SART1: variants seen among roughly 807,000 people sequenced by gnomAD.
SART1 encodes the protein U4/U6.U5 tri-snRNP-associated protein 1.
Under a neutral mutation model 105.0 loss-of-function variants are expected in SART1, and 28 were observed. The observed-to-expected ratio is 0.27, with a 90% CI of 0.20 to 0.37. SART1 has a LOEUF of 0.37. Ranked by LOEUF, SART1 falls within the 10% of genes least tolerant of loss-of-function variation. The pLI is 1.00. For missense variants in SART1, 894 were observed against 1,106.5 expected (o/e 0.81, Z 2.72); for synonymous variants, 472 against 462.9 (o/e 1.02, Z -0.25).
In SART1 at chr11:65,977,740, A is replaced by G. The variant is rs748765198; in HGVS notation, c.2037-24A>G. On this transcript the variant is annotated intron_variant, in intron 16 of 19. Transcript: ENST00000312397. ...ACAGCAGGCGGCAGCTCCTCACACT[A>G]AGGCCTCCTCTGTCTCGGGCCAGGG... 4 of 1,613,838 alleles carry G rather than the reference A, an allele frequency of 2.5e-6. No homozygotes were observed. The Admixed American group carries it at 5.0e-5, about 20-fold the overall frequency.
chr11:65,970,689 T>C (rs951964105), intron 12 of SART1, among the ~76,000 whole-genome samples: 1 of 148,888 alleles, frequency 6.7e-6, no homozygotes, highest in Non-Finnish European at 1.5e-5. Flanking sequence ...TTCTGGAGAG[T>C]GGAGAGCAGA....
Position 65,977,106 on chromosome 11 carries a change from G to C in SART1, c.1945+5G>C, listed in dbSNP as rs781327073. 1 of 1,610,876 alleles carries C rather than the reference G, an allele frequency of 6.2e-7. No individual in the cohort carries two copies. Among genetic ancestry groups the C allele is most frequent in the Non-Finnish European group, 8.5e-7 (1 of 1,177,774 alleles). On this transcript the variant is annotated splice_donor_5th_base_variant and intron_variant, in intron 15 of 19. Coordinates refer to ENST00000312397, the MANE Select transcript of SART1 (RefSeq NM_005146.5). ...TGCTCCTGTGTCAGAACAAAGGTAG[G>C]GAGCTCAGGGCAGCCATGACTTGGG... is the stretch of plus-strand genomic sequence containing the variant.
chr11:65,967,114 C>A, intron 9 of SART1, 145 bp from the exon 10 acceptor site: 2 of 1,198,098 alleles, frequency 1.7e-6, no homozygotes, highest in Non-Finnish European at 2.3e-6. Flanking sequence ...GAGATAGTAA[C>A]CACCCCACAT....
intron 12 of SART1, among the ~76,000 whole-genome samples, chr11:65,968,976 C>T (rs1855316473): frequency 6.6e-6 from 1 of 152,196 alleles, no homozygotes; most frequent in African/African-American, 2.4e-5. Flanking sequence ...CCCTACCCCA[C>T]ACTTCTCACC....
intron 12 of SART1, among the ~76,000 whole-genome samples, chr11:65,975,983 G>A (rs1041948448): frequency 1.6e-4 from 25 of 152,202 alleles, no homozygotes; most frequent in African/African-American, 5.5e-4. Flanking sequence ...AGTCAAAAGC[G>A]TGGGCCACCT....
chr11:65,966,679 G>A, intron 9 of SART1, 123 bp downstream of exon 9: 26 of 1,165,406 alleles, frequency 2.2e-5, no homozygotes, highest in Admixed American at 3.0e-5. Flanking sequence ...TTGGCCTCGC[G>A]GGTGAGCACT....
rs137990779 is a variant in SART1, at chr11:65,972,943, G to A, written c.1573-3452G>A. On this transcript the variant is annotated intron_variant, in intron 12 of 19. Transcript: ENST00000312397. ...TCCCAGCACTTTGGGAGGCCAAGGC[G>A]GGCGGATCACGAGGTCAGGAGATGA... 2.5e-3 allele frequency among the ~76,000 whole-genome samples: 386 copies of A among 152,260 alleles called. 2 individuals are homozygous for A. Among genetic ancestry groups the A allele is most frequent in the African/African-American group, 8.9e-3 (370 of 41,548 alleles).
chr11:65,978,987 C>T lies in SART1; in HGVS notation c.2385-25C>T, dbSNP rs140704257. On this transcript the variant is annotated intron_variant, in intron 19 of 19. Transcript: ENST00000312397. This position sits in a 1 kb window ranked among gnomAD's most constrained non-coding sequence, Gnocchi z 6.8. ...CGTGGCCTGTGCCCGCCTCTGCAGCCTCACGCCCCTGTTCTTCTCTGCAGG... is the reference window on the plus strand; with the variant it reads ...CGTGGCCTGTGCCCGCCTCTGCAGCTTCACGCCCCTGTTCTTCTCTGCAGG... 2 of 1,614,086 alleles carry T rather than the reference C, an allele frequency of 1.2e-6. No individual in the cohort carries two copies. Among genetic ancestry groups the T allele is most frequent in the East Asian group, 2.2e-5 (1 of 44,870 alleles).
intron 8 of SART1, 28 bp from the exon 9 acceptor site, chr11:65,966,322 G>GTCCCAACCTGTACCTCT: frequency 6.2e-7 from 1 of 1,613,958 alleles, no homozygotes; most frequent in Non-Finnish European, 8.5e-7. Flanking sequence ...GCCAGCCTGG[G>GTCCCAACCTGTACCTCT]TCCCAACCTG....
At chr11:65,971,910 G>C (rs72928830) in intron 12 of SART1, among the ~76,000 whole-genome samples, 11,125 of 152,022 alleles carry the variant, frequency 0.073, 782 homozygotes, top group African/African-American at 0.18. Flanking sequence ...AGAACAGAAA[G>C]GATCCTTGGA....
At chr11:65,964,955 C>A in intron 3 of SART1, 137 bp from the exon 4 acceptor site, 2 of 1,132,194 alleles carry the variant, frequency 1.8e-6, no homozygotes, top group Non-Finnish European at 2.4e-6. Flanking sequence ...GAAGTGGGAG[C>A]AGGGAGGTGA....
chr11:65,965,788 G>C lies in SART1; in HGVS notation c.738+9G>C. On this transcript the variant is annotated intron_variant, in intron 6 of 19. Transcript: ENST00000312397. ...TCGGGCAGAGGCGGCAGGTGAGGCT[G>C]CAGCAGGGGTGGTACAGGGGACACT... The C allele has an allele frequency of 6.2e-7, 1 of 1,613,980 alleles. No individual in the cohort carries two copies. Among genetic ancestry groups the C allele is most frequent in the Non-Finnish European group, 8.5e-7 (1 of 1,179,944 alleles).
At position 65,976,493 on chromosome 11, in the gene SART1, C is replaced by A. The variant is rs371435554; in HGVS notation, c.1671C>A (p.Ser557=). ...GGGCCATCGTGTTCAACGCCACGTC[C>A]GAGTTCTGCCGCACCTTGGGGGAGA... The part of the protein sequence containing the change: ...RKGAIVFNAT[S]EFCRTLGEIP... Residue 557 remains serine (S), a synonymous_variant, in exon 13 of 20, where the codon TCC becomes TCA. Coordinates refer to ENST00000312397, the MANE Select transcript of SART1 (RefSeq NM_005146.5). This position sits in a 1 kb window ranked among gnomAD's most constrained non-coding sequence, Gnocchi z 5.1. The A allele has an allele frequency of 6.3e-7, 1 of 1,583,346 alleles. No homozygotes were observed.
Position 65,965,917 on chromosome 11 carries a change from C to G in SART1, c.769C>G (p.Leu257Val). The G allele has an allele frequency of 1.2e-6, 2 of 1,614,108 alleles. No homozygotes were observed. The highest frequency in any genetic ancestry group is 1.7e-6 in the Non-Finnish European group (2 of 1,180,036). The change falls in exon 7 of 20, where the codon CTC (leucine) becomes GTC (valine). Residue 257 changes from leucine (L) to valine (V), a missense_variant. Around this residue, in one of 2 missense-constraint regions of SART1, gnomAD observed 712 missense variants for 778.2 expected, o/e 0.91. Coordinates refer to ENST00000312397, the MANE Select transcript of SART1 (RefSeq NM_005146.5). ...GTACAGTGCCCGGGACCTGCAGGGC[C>G]TCACCGTGGAGCATGCCATTGATTC... ...DLYSARDLQGLTVEHAIDSFR... is the reference protein window; with the variant it reads ...DLYSARDLQGVTVEHAIDSFR...
Position 65,976,666 on chromosome 11 carries a change from G to T in SART1, c.1757G>T (p.Arg586Leu). The stretch of plus-strand genomic sequence containing the variant: ...TCTTTTGTGCCCCAGGACTTTGAAC[G>T]GGATGAGGAGCGCTCAGCCAACGGT... ...EEQEELMDFE[R>L]DEERSANGGS... Residue 586 changes from arginine (R) to leucine (L), a missense_variant, in exon 14 of 20, where the codon CGG becomes CTG. Physicochemically the swap from Arg to Leu is moderately radical, Grantham distance 102 (BLOSUM62 -2). Coordinates refer to ENST00000312397, the MANE Select transcript of SART1 (RefSeq NM_005146.5). The surrounding 1 kb of genome is among the most constrained non-coding windows in gnomAD (Gnocchi z 5.1). 1 of 1,613,672 alleles carries T rather than the reference G, an allele frequency of 6.2e-7. No homozygotes were observed.
chr11:65,978,648 A>G lies in SART1; in HGVS notation c.2221A>G (p.Met741Val), dbSNP rs979929071. The change falls in exon 18 of 20, where the codon ATG becomes GTG. Residue 741 changes from methionine to valine, a missense_variant. Met to Val is a conservative substitution (Grantham distance 21, BLOSUM62 1). This residue lies in a region of SART1 where 182 missense variants were observed against 328.3 expected (regional missense o/e 0.55). Coordinates refer to ENST00000312397, the MANE Select transcript of SART1 (RefSeq NM_005146.5). The surrounding 1 kb of genome is among the most constrained non-coding windows in gnomAD (Gnocchi z 6.8). Reference protein sequence around the residue: ...HRFHGKGSGKMKTERRMKKLD... With the variant: ...HRFHGKGSGKVKTERRMKKLD... ...CTTCCATGGCAAGGGCTCAGGCAAG[A>G]TGAAGACAGAGCGGCGGATGAAGAA... 2 of 1,592,952 alleles carry G rather than the reference A, an allele frequency of 1.3e-6. No homozygotes were observed. Among genetic ancestry groups the G allele is most frequent in the African/African-American group, 2.7e-5 (2 of 74,408 alleles).
rs1328020773 is a variant in SART1 at position 65,978,632 on chromosome 11, C to T, written c.2205C>T (p.Gly735=). 3 of 1,581,396 alleles carry T rather than the reference C, an allele frequency of 1.9e-6. No individual in the cohort carries two copies. Among genetic ancestry groups the T allele is most frequent in the Non-Finnish European group, 2.6e-6 (3 of 1,163,690 alleles). Residue 735 remains glycine (G), a synonymous_variant, in exon 18 of 20, where the codon GGC becomes GGT. Coordinates refer to ENST00000312397, the MANE Select transcript of SART1 (RefSeq NM_005146.5). The surrounding 1 kb of genome is among the most constrained non-coding windows in gnomAD (Gnocchi z 6.8). Reference sequence around the variant, plus strand: ...GGCAGCTGTCGCACCGCTTCCATGGCAAGGGCTCAGGCAAGATGAAGACAG... The same window carrying T: ...GGCAGCTGTCGCACCGCTTCCATGGTAAGGGCTCAGGCAAGATGAAGACAG... ...AFRQLSHRFH[G]KGSGKMKTER...
At chr11:65,966,010 G>A (rs1855246222) in intron 7 of SART1, 24 bp downstream of exon 7, 1 of 1,613,786 alleles carries the variant, frequency 6.2e-7, no homozygotes, top group African/African-American at 1.3e-5. Flanking sequence ...GGTGCCCTGG[G>A]TGGGGGCACA....
intron 3 of SART1, 70 bp from the exon 4 acceptor site, chr11:65,965,022 G>A (rs539114847): frequency 1.3e-6 from 2 of 1,510,458 alleles, no homozygotes; most frequent in East Asian, 4.6e-5. Context: ...AAGGGGGCAG[G>A]GTGAGTGGCT....
Sources: allele counts gnomAD v4.1 joint callset (sites outside exome capture counted in the v4.1 genomes callset), GRCh38; gene constraint gnomAD v4.1.1; regional missense constraint gnomAD v4.1.1; non-coding constraint Gnocchi (gnomAD v3.1); transcripts MANE v1.5; gene names NCBI Gene and HGNC (gene_info 2026-07-23, HGNC 2026-07-21).